SLCO3A1: variants seen among roughly 807,000 people sequenced by gnomAD.
The protein encoded by SLCO3A1 is solute carrier organic anion transporter family member 3A1.
A neutral mutation model predicts 63.1 loss-of-function variants in SLCO3A1; 27 were observed. The ratio of observed to expected loss-of-function variants is 0.43; its 90% CI spans 0.32 to 0.59. The LOEUF (loss-of-function observed/expected upper bound fraction) is 0.59. Ranked by LOEUF, SLCO3A1 falls within the 20% of genes least tolerant of loss-of-function variation. SLCO3A1 has a pLI of 0.09. For synonymous variants in SLCO3A1, 473 were observed against 409.9 expected, an observed-to-expected ratio of 1.15 and a Z score of -1.86; for missense variants, 773 against 945.8, an observed-to-expected ratio of 0.82 and a Z score of 2.40.
At chr15:92,053,474 G>T (rs925539730) in intron 2 of SLCO3A1, among the ~76,000 whole-genome samples, 1 of 152,044 alleles carries the variant, frequency 6.6e-6, no homozygotes, top group Non-Finnish European at 1.5e-5. Context: ...ATTCAGATGC[G>T]TGTAGTTTTT....
At position 91,977,039 on chromosome 15, in the gene SLCO3A1, TA is replaced by T. The variant is rs542802284; in HGVS notation, c.646+60583del. ...TTAGGTGGGAATTTCCTCTTCCTGA[TA>T]ATCCTGACAGTGTTCTGGAACTAGA... On this transcript the variant is annotated intron_variant, in intron 2 of 9. Transcript: ENST00000318445. Among the ~76,000 whole-genome samples, 99 of 152,282 alleles carry T rather than the reference TA, an allele frequency of 6.5e-4. 1 individual carries two copies. Among genetic ancestry groups the T allele is most frequent in the African/African-American group, 2.1e-3 (88 of 41,558 alleles).
At chr15:91,915,717 G>T (rs1898632215) in intron 1 of SLCO3A1, among the ~76,000 whole-genome samples, 1 of 152,140 alleles carries the variant, frequency 6.6e-6, no homozygotes, top group Admixed American at 6.6e-5. Flanking sequence ...CCGGAAGAGG[G>T]TAGAAGCTTT....
rs1897061102 is a variant in SLCO3A1 at position 91,862,058 on chromosome 15, CTCCTTT to C, written c.180+7973_180+7978del. 6.6e-6 allele frequency among the ~76,000 whole-genome samples: 1 copy of C among 152,144 alleles called. No homozygotes were observed. Among genetic ancestry groups the C allele is most frequent in the Non-Finnish European group, 1.5e-5 (1 of 68,044 alleles). On this transcript the variant is annotated intron_variant, in intron 1 of 9. Transcript: ENST00000318445. This position sits in a 1 kb window ranked among gnomAD's most constrained non-coding sequence, Gnocchi z 4.0. The stretch of plus-strand genomic sequence containing the variant: ...ACCCCTGCCATGACTTTTCAGTACT[CTCCTTT>C]TCATGGACGTAATAGTCCAAGTGGC...
intron 2 of SLCO3A1, among the ~76,000 whole-genome samples, chr15:92,084,425 T>A (rs2047381913): frequency 1.3e-5 from 2 of 152,144 alleles, no homozygotes; most frequent in South Asian, 4.1e-4. Flanking sequence ...GTCATCCCAT[T>A]TTACAGAGGA....
chr15:92,012,907 A>C (rs995621106), intron 2 of SLCO3A1, among the ~76,000 whole-genome samples: 2 of 152,240 alleles, frequency 1.3e-5, no homozygotes, highest in African/African-American at 4.8e-5. Context: ...CATGAAAAAG[A>C]AAATGGCATT....
intron 2 of SLCO3A1, among the ~76,000 whole-genome samples, chr15:91,975,418 C>T (rs148424939): frequency 3.6e-4 from 55 of 152,246 alleles, no homozygotes; most frequent in Non-Finnish European, 6.5e-4. Flanking sequence ...AGGACACTGG[C>T]GATTGCATTA....
rs1472810368 is a variant in SLCO3A1 at position 92,165,843 on chromosome 15, T to TAAGA, written c.*2709_*2712dup. ...TCAAGTGAATGAAAAGATTTCCTGG[T>TAAGA]AAGATCATTGGATTTACAGAATACA... On this transcript the variant is annotated 3_prime_UTR_variant, in exon 10 of 10. Transcript: ENST00000318445. 1 of 985,186 alleles carries TAAGA rather than the reference T, an allele frequency of 1.0e-6. No individual in the cohort carries two copies. Among genetic ancestry groups the TAAGA allele is most frequent in the Non-Finnish European group, 1.2e-6 (1 of 829,838 alleles). 61.0% of individuals were successfully genotyped at this position (985,186 alleles called of 1,614,324 possible). A position where few individuals can be genotyped will look rare whatever the true frequency, so the allele number is the denominator to read the frequency against.
At chr15:91,972,665 G>A (rs774381977) in intron 2 of SLCO3A1, among the ~76,000 whole-genome samples, 7 of 152,310 alleles carry the variant, frequency 4.6e-5, no homozygotes, top group Admixed American at 2.0e-4. Context: ...CAGTACGGTG[G>A]ATTTATTAGA....
intron 2 of SLCO3A1, among the ~76,000 whole-genome samples, chr15:92,080,272 C>T (rs1347447158): frequency 6.6e-6 from 1 of 152,290 alleles, no homozygotes; most frequent in Non-Finnish European, 1.5e-5. Context: ...TCAACACACA[C>T]GGAGTCCCTC....
intron 2 of SLCO3A1, among the ~76,000 whole-genome samples, chr15:92,091,846 C>T (rs572676178): frequency 1.6e-4 from 25 of 152,318 alleles, no homozygotes; most frequent in Admixed American, 1.3e-3. Context: ...TTTAGCTTAT[C>T]TTTGTTCAGC....
rs1898047081 is a variant in SLCO3A1, at chr15:91,897,872, A to C, written c.181-18121A>C. On this transcript the variant is annotated intron_variant, in intron 1 of 9. Transcript: ENST00000318445. The surrounding 1 kb of genome is among the most constrained non-coding windows in gnomAD (Gnocchi z 4.7). ...AGGATGGGTGCGGGAGGCGAAAGGCAGCTGAAACTGCAGGGCAGAGCCAGG... is the reference window on the plus strand; with the variant it reads ...AGGATGGGTGCGGGAGGCGAAAGGCCGCTGAAACTGCAGGGCAGAGCCAGG... Among the ~76,000 whole-genome samples, 1 of 152,218 alleles carries C rather than the reference A, an allele frequency of 6.6e-6. No homozygotes were observed. The highest frequency in any genetic ancestry group is 2.4e-5 in the African/African-American group (1 of 41,458).
At chr15:91,889,130 G>C in intron 1 of SLCO3A1, 5 of 1,270,112 alleles carry the variant, frequency 3.9e-6, no homozygotes, top group Non-Finnish European at 4.1e-6. Context: ...AGTGGACGTG[G>C]ATGGTTTTCT....
At chr15:92,151,255 C>T (rs116289491) in intron 9 of SLCO3A1, 251 of 413,234 alleles carry the variant, frequency 6.1e-4, no homozygotes, top group African/African-American at 4.8e-3. Context: ...GAATTCTCAT[C>T]GGCATAAGGA....
chr15:92,148,162 C>T (rs1350946493), intron 8 of SLCO3A1, among the ~76,000 whole-genome samples: 2 of 152,206 alleles, frequency 1.3e-5, no homozygotes, highest in African/African-American at 4.8e-5. Context: ...GAGCTGAGGT[C>T]ATACCACCGC....
intron 2 of SLCO3A1, among the ~76,000 whole-genome samples, chr15:92,094,261 A>G (rs1438467999): frequency 2.0e-5 from 3 of 152,250 alleles, no homozygotes; most frequent in Non-Finnish European, 4.4e-5. Context: ...AGCAGCCACA[A>G]CAACAGTGGA....
Position 91,942,923 on chromosome 15 carries a change from G to C in SLCO3A1, c.646+26465G>C, listed in dbSNP as rs930477604. Among the ~76,000 whole-genome samples, 7 of 152,188 alleles carry C rather than the reference G, an allele frequency of 4.6e-5. No individual in the cohort carries two copies. Among genetic ancestry groups the C allele is most frequent in the Non-Finnish European group, 7.3e-5 (5 of 68,036 alleles). ...TGATCAGACAGAGCAGAACTGCTCTGCCCGAGTGGGCGTGGGGCCCAGGGC... is the reference window on the plus strand; with the variant it reads ...TGATCAGACAGAGCAGAACTGCTCTCCCCGAGTGGGCGTGGGGCCCAGGGC... On this transcript the variant is annotated intron_variant, in intron 2 of 9. Transcript: ENST00000318445. The surrounding 1 kb of genome is among the most constrained non-coding windows in gnomAD (Gnocchi z 4.1).
intron 2 of SLCO3A1, among the ~76,000 whole-genome samples, chr15:91,952,337 C>T (rs1278413946): frequency 2.0e-5 from 3 of 152,176 alleles, no homozygotes; most frequent in African/African-American, 4.8e-5. Context: ...AAACTAGTAC[C>T]TTTCACTAGA....
chr15:91,901,036 A>G (rs1898141689), intron 1 of SLCO3A1, among the ~76,000 whole-genome samples: 1 of 151,962 alleles, frequency 6.6e-6, no homozygotes. Context: ...TACACCTGCC[A>G]TTTTGTGATT....
chr15:92,076,544 C>T (rs913163815), intron 2 of SLCO3A1, among the ~76,000 whole-genome samples: 2 of 152,188 alleles, frequency 1.3e-5, no homozygotes, highest in African/African-American at 2.4e-5. Flanking sequence ...GGGCATGAAT[C>T]CACGGATAGA....
Sources: allele counts gnomAD v4.1 joint callset (sites outside exome capture counted in the v4.1 genomes callset), GRCh38; gene constraint gnomAD v4.1.1; non-coding constraint Gnocchi (gnomAD v3.1); transcripts MANE v1.5; gene names NCBI Gene and HGNC (gene_info 2026-07-23, HGNC 2026-07-21).